The following SMIM14 variants were observed in gnomAD, a reference collection of about 807,000 sequenced individuals.
The protein encoded by SMIM14 is chromosome 4 open reading frame 34.
In SMIM14, 5 loss-of-function variants were observed where a neutral mutation model predicts 12.6. The ratio of observed to expected loss-of-function variants is 0.40; its 90% CI spans 0.21 to 0.83. The LOEUF (loss-of-function observed/expected upper bound fraction) is 0.83. Ranked by LOEUF, SMIM14 falls within the 40% of genes least tolerant of loss-of-function variation. The pLI is 0.37. For missense variants in SMIM14, 86 were observed against 119.1 expected, an observed-to-expected ratio of 0.72 and a Z score of 1.29; for synonymous variants, 30 against 40.1, an observed-to-expected ratio of 0.75 and a Z score of 0.95.
intron 2 of SMIM14, among the ~76,000 whole-genome samples, chr4:39,579,821 G>A (rs895682324): frequency 1.4e-5 from 2 of 142,732 alleles, no homozygotes; most frequent in East Asian, 2.1e-4. Flanking sequence ...TCCAGCCTGG[G>A]TGACAGAGTG....
At chr4:39,624,816 G>GA (rs539792739) in intron 1 of SMIM14, among the ~76,000 whole-genome samples, 61,117 of 110,036 alleles carry the variant, frequency 0.56, 17,230 homozygotes, top group East Asian at 0.8. Context: ...ACACCATCTC[G>GA]AAAAAAAAAA....
chr4:39,552,096 TTAAC>T lies in SMIM14; in HGVS notation c.*26_*29del. On this transcript the variant is annotated 3_prime_UTR_variant, in exon 5 of 5. Transcript: ENST00000295958. ...TTCGTTCGTTTGGTCGTGCAAGGTG[TTAAC>T]TATTTTCACTTCCCATATCACAAAG... 2 of 1,581,278 alleles carry T rather than the reference TTAAC, an allele frequency of 1.3e-6. No homozygotes were observed. The highest frequency in any genetic ancestry group is 2.4e-5 in the South Asian group (2 of 84,538).
intron 2 of SMIM14, among the ~76,000 whole-genome samples, chr4:39,577,849 G>T (rs1713285155): frequency 6.6e-6 from 1 of 152,168 alleles, no homozygotes; most frequent in South Asian, 2.1e-4. Context: ...CCAAGCTACG[G>T]TAAGTCTTTG....
Position 39,590,102 on chromosome 4 carries a change from G to C in SMIM14, c.75+14969C>G, listed in dbSNP as rs1006520349. ...ATTTTTCTTTTTCTTGTTTTATAAA[G>C]AATACTAGACAACTTAAAACAATAA... On this transcript the variant is annotated intron_variant, in intron 2 of 4. Coordinates refer to ENST00000295958, the MANE Select transcript of SMIM14 (RefSeq NM_174921.3). 1.3e-4 allele frequency among the ~76,000 whole-genome samples: 18 copies of C among 143,552 alleles called. 1 individual carries two copies. The highest frequency in any genetic ancestry group is 4.5e-4 in the South Asian group (2 of 4,464). 94.2% of individuals were successfully genotyped at this position (143,552 alleles called of 152,430 possible).
intron 1 of SMIM14, among the ~76,000 whole-genome samples, chr4:39,630,563 A>G (rs1054071810): frequency 6.6e-6 from 1 of 152,180 alleles, no homozygotes; most frequent in Admixed American, 6.6e-5. Flanking sequence ...CTACTGTGAT[A>G]AAGAAAGCAA....
intron 1 of SMIM14, among the ~76,000 whole-genome samples, chr4:39,622,268 G>C (rs897818599): frequency 6.6e-6 from 1 of 151,904 alleles, no homozygotes; most frequent in African/African-American, 2.4e-5. Context: ...ATTTTTAGTA[G>C]AGACGGGGTT....
intron 2 of SMIM14, among the ~76,000 whole-genome samples, chr4:39,602,175 G>A (rs575003157): frequency 2.0e-5 from 3 of 151,650 alleles, no homozygotes; most frequent in African/African-American, 7.3e-5. Context: ...CTTGAGCCTG[G>A]GAGACAGAGG....
At position 39,564,439 on chromosome 4, in the gene SMIM14, G is replaced by A. The variant is rs28683732; in HGVS notation, c.125-7869C>T. Among the ~76,000 whole-genome samples, 467 of 152,244 alleles carry A rather than the reference G, an allele frequency of 3.1e-3. 3 individuals carry two copies. The highest frequency in any genetic ancestry group is 0.011 in the African/African-American group (440 of 41,554). ...TTGAGAGCTGACATCATGCTCAAAAGAAATGCTTATCGGAACATTTCACAT... is the reference window on the plus strand; with the variant it reads ...TTGAGAGCTGACATCATGCTCAAAAAAAATGCTTATCGGAACATTTCACAT... On this transcript the variant is annotated intron_variant, in intron 3 of 4. Coordinates refer to ENST00000295958, the MANE Select transcript of SMIM14 (RefSeq NM_174921.3).
At position 39,583,571 on chromosome 4, in the gene SMIM14, A is replaced by G. The variant is rs562408361; in HGVS notation, c.76-11108T>C. Reference sequence around the variant, plus strand: ...AAGCCCCTATAAAAATAACGCAAACATGACCTTCTTTCTAATGTGGCTCCC... The same window carrying G: ...AAGCCCCTATAAAAATAACGCAAACGTGACCTTCTTTCTAATGTGGCTCCC... On this transcript the variant is annotated intron_variant, in intron 2 of 4. Coordinates refer to ENST00000295958, the MANE Select transcript of SMIM14 (RefSeq NM_174921.3). 3.5e-4 allele frequency among the ~76,000 whole-genome samples: 53 copies of G among 152,220 alleles called. No individual in the cohort carries two copies. In the South Asian group the frequency reaches 0.011, roughly 30 times the overall value.
At chr4:39,574,002 T>C (rs1421030636) in intron 2 of SMIM14, among the ~76,000 whole-genome samples, 1 of 152,184 alleles carries the variant, frequency 6.6e-6, no homozygotes, top group African/African-American at 2.4e-5. Context: ...CCTTTTACGA[T>C]GTTTAAAAAC....
At chr4:39,628,138 C>A (rs975579745) in intron 1 of SMIM14, among the ~76,000 whole-genome samples, 1 of 151,690 alleles carries the variant, frequency 6.6e-6, no homozygotes, top group Non-Finnish European at 1.5e-5. Context: ...GAAACGCCGC[C>A]TCGACTAAAA....
intron 1 of SMIM14, among the ~76,000 whole-genome samples, chr4:39,632,247 T>G (rs535020362): frequency 6.6e-6 from 1 of 152,260 alleles, no homozygotes; most frequent in African/African-American, 2.4e-5. Context: ...TCCCAGCACT[T>G]TGGGAGGCCA....
intron 1 of SMIM14, among the ~76,000 whole-genome samples, chr4:39,628,225 T>C (rs966050050): frequency 6.6e-6 from 1 of 150,392 alleles, no homozygotes; most frequent in Non-Finnish European, 1.5e-5. Context: ...GAGAACTGCT[T>C]GAACCTGGGA....
chr4:39,562,825 G>GTTTTTTTTTTTT (rs1553861796), intron 3 of SMIM14, among the ~76,000 whole-genome samples: 4 of 128,096 alleles, frequency 3.1e-5, no homozygotes, highest in African/African-American at 1.7e-4. Context: ...TGTATTTTTA[G>GTTTTTTTTTTTT]TAGAGACGGT....
At chr4:39,559,302 T>C (rs1560282607) in intron 3 of SMIM14, among the ~76,000 whole-genome samples, 1 of 151,624 alleles carries the variant, frequency 6.6e-6, no homozygotes, top group Non-Finnish European at 1.5e-5. Context: ...GGCACGAGAA[T>C]TGCTTGAACC....
At chr4:39,623,217 G>A (rs994986677) in intron 1 of SMIM14, among the ~76,000 whole-genome samples, 2 of 152,168 alleles carry the variant, frequency 1.3e-5, no homozygotes, top group African/African-American at 4.8e-5. Flanking sequence ...GAGAGGTATG[G>A]ATGAAACAAA....
Position 39,551,274 on chromosome 4 carries a change from T to C in SMIM14, c.*852A>G, listed in dbSNP as rs1020991304. On this transcript the variant is annotated 3_prime_UTR_variant, in exon 5 of 5. Transcript: ENST00000295958. Reference sequence around the variant, plus strand: ...AGAAGCTTCCCAAGAGGCACTCATTTTAAAAATAAATTATAGCTTAAATTA... The same window carrying C: ...AGAAGCTTCCCAAGAGGCACTCATTCTAAAAATAAATTATAGCTTAAATTA... 10 of 152,444 alleles carry C rather than the reference T, an allele frequency of 6.6e-5. No homozygotes were observed. Among genetic ancestry groups the C allele is most frequent in the African/African-American group, 2.2e-4 (9 of 41,446 alleles). 9.4% of individuals were successfully genotyped at this position (152,444 alleles called of 1,614,324 possible).
At chr4:39,598,082 A>G (rs188634191) in intron 2 of SMIM14, among the ~76,000 whole-genome samples, 26 of 152,294 alleles carry the variant, frequency 1.7e-4, no homozygotes, top group Admixed American at 1.6e-3. Context: ...TGCAACTAGG[A>G]GTCCTCCCCA....
At chr4:39,616,946 A>G (rs1339189953) in intron 1 of SMIM14, among the ~76,000 whole-genome samples, 2 of 152,148 alleles carry the variant, frequency 1.3e-5, no homozygotes, top group African/African-American at 4.8e-5. Flanking sequence ...AGTATTTAGA[A>G]TTACTATCTA....
Sources: gnomAD v4.1 joint callset for allele counts (sites outside exome capture counted in the v4.1 genomes callset) on GRCh38, gnomAD v4.1.1 for gene constraint, MANE v1.5 for transcripts, NCBI Gene and HGNC (gene_info 2026-07-23, HGNC 2026-07-21) for gene names.